Variants in SPTAN1 observed in about 807,000 individuals in gnomAD.
SPTAN1 encodes the protein spectrin alpha chain, non-erythrocytic 1.
Under a neutral mutation model 331.3 loss-of-function variants are expected in SPTAN1, and 61 were observed. The ratio of observed to expected loss-of-function variants is 0.18; its 90% CI spans 0.15 to 0.23. The LOEUF is 0.23. Among genes scored for constraint, SPTAN1 ranks in the 10% least tolerant of loss-of-function variants. SPTAN1 has a pLI of 1.00. For synonymous variants in SPTAN1, 1,153 were observed against 1,173.9 expected (o/e 0.98, Z 0.36); for missense variants, 2,043 against 3,147.9 (o/e 0.65, Z 8.40).
chr9:128,586,111 GGTTT>G, intron 19 of SPTAN1, 146 bp downstream of exon 19: 2 of 430,150 alleles, frequency 4.6e-6, no homozygotes, highest in Non-Finnish European at 8.1e-6. Context: ...TTTTTCACTT[GGTTT>G]TTTTTTTTTT....
chr9:128,609,085 T>C lies in SPTAN1; in HGVS notation c.4596-37T>C, dbSNP rs756619034. The C allele has an allele frequency of 9.9e-6, 16 of 1,614,204 alleles. No individual in the cohort carries two copies. In the South Asian group the frequency reaches 1.6e-4, roughly 17 times the overall value. Reference sequence around the variant, plus strand: ...CCCCACTTCCTTCTCCACGGTAAGATATGCTCATGTTGGATCTCATGGTTT... The same window carrying C: ...CCCCACTTCCTTCTCCACGGTAAGACATGCTCATGTTGGATCTCATGGTTT... On this transcript the variant is annotated intron_variant, in intron 35 of 56. Coordinates refer to ENST00000372739, the MANE Select transcript of SPTAN1 (RefSeq NM_001130438.3).
intron 40 of SPTAN1, among the ~76,000 whole-genome samples, chr9:128,614,683 T>A (rs996191042): frequency 6.6e-6 from 1 of 150,718 alleles, no homozygotes; most frequent in African/African-American, 2.4e-5. Flanking sequence ...AGGCGGGAGG[T>A]TCACTTGAGT....
chr9:128,612,317 G>A (rs1412849173), intron 39 of SPTAN1, 71 bp downstream of exon 39: 3 of 1,602,342 alleles, frequency 1.9e-6, no homozygotes, highest in Non-Finnish European at 2.6e-6. Flanking sequence ...GTCCATCAGT[G>A]CCCAAAACCA....
intron 3 of SPTAN1, 109 bp from the exon 4 acceptor site, chr9:128,574,566 T>G: frequency 7.8e-7 from 1 of 1,285,796 alleles, no homozygotes; most frequent in African/African-American, 1.5e-5. Flanking sequence ...TTTAAAAATA[T>G]TTTTATTCAG....
chr9:128,602,205 T>G (rs978594465), intron 27 of SPTAN1, among the ~76,000 whole-genome samples: 3 of 151,558 alleles, frequency 2.0e-5, no homozygotes, highest in East Asian at 1.9e-4. Context: ...TTTTTTGTTT[T>G]TTTTGGGTTT....
rs1430308610 is a variant in SPTAN1, at chr9:128,552,938, CG to C, written c.-4+248del. 5 of 152,406 alleles carry C rather than the reference CG, an allele frequency of 3.3e-5. No homozygotes were observed. In the South Asian group the frequency reaches 8.3e-4, roughly 25 times the overall value. 9.4% of individuals were successfully genotyped at this position (152,406 alleles called of 1,614,324 possible). A position where few individuals can be genotyped will look rare whatever the true frequency, so the allele number is the denominator to read the frequency against. On this transcript the variant is annotated intron_variant, in intron 1 of 56. Transcript: ENST00000372739. This position sits in a 1 kb window ranked among gnomAD's most constrained non-coding sequence, Gnocchi z 4.6. ...GGCGCCGCCGCTGGAATGTCACTGACGGGGGGAGGGGGCGCGAGGCCGCCGG... is the reference window on the plus strand; with the variant it reads ...GGCGCCGCCGCTGGAATGTCACTGACGGGGGAGGGGGCGCGAGGCCGCCGG...
chr9:128,611,566 A>G, intron 37 of SPTAN1, 148 bp from the exon 38 acceptor site: 1 of 879,414 alleles, frequency 1.1e-6, no homozygotes, highest in South Asian at 1.4e-5. Context: ...TATTTCATAC[A>G]AACTCCAATT....
intron 11 of SPTAN1, 25 bp from the exon 12 acceptor site, chr9:128,581,757 T>C: frequency 6.4e-7 from 1 of 1,568,652 alleles, no homozygotes; most frequent in Middle Eastern, 1.7e-4. Context: ...GACATTATTC[T>C]GAACACTTTG....
At chr9:128,609,750 G>T in intron 37 of SPTAN1, 85 bp downstream of exon 37, 3 of 906,220 alleles carry the variant, frequency 3.3e-6, no homozygotes, top group Non-Finnish European at 4.8e-6. Context: ...TATTATTGTG[G>T]TCACACGGTT....
intron 24 of SPTAN1, among the ~76,000 whole-genome samples, chr9:128,597,201 G>A (rs1854426844): frequency 1.3e-5 from 2 of 152,026 alleles, no homozygotes; most frequent in South Asian, 4.1e-4. Context: ...GTAGAGATAG[G>A]GGTCTGGTTA....
At chr9:128,562,543 G>A (rs1328812563) in intron 1 of SPTAN1, among the ~76,000 whole-genome samples, 7 of 152,134 alleles carry the variant, frequency 4.6e-5, no homozygotes, top group Non-Finnish European at 8.8e-5. Flanking sequence ...ATGAGATACG[G>A]CTGGAGGAGA....
intron 36 of SPTAN1, 56 bp downstream of exon 36, chr9:128,609,340 T>C (rs1217436913): frequency 9.3e-6 from 15 of 1,611,528 alleles, no homozygotes; most frequent in Non-Finnish European, 1.3e-5. Flanking sequence ...ATTGAGTAGA[T>C]TTTGTTAAAT....
chr9:128,561,662 C>CAAA (rs762156669), intron 1 of SPTAN1, among the ~76,000 whole-genome samples: 363 of 15,980 alleles, frequency 0.023, 109 homozygotes, highest in African/African-American at 0.051. Flanking sequence ...GACTCCGTCT[C>CAAA]AAAAAAAAAA....
rs1452590276 is a variant in SPTAN1 at position 128,612,191 on chromosome 9, A to G, written c.4988A>G (p.Asn1663Ser). 1.2e-6 allele frequency: 2 copies of G among 1,614,128 alleles called. No homozygotes were observed. Among genetic ancestry groups the G allele is most frequent in the Non-Finnish European group, 8.5e-7 (1 of 1,180,038 alleles). Residue 1663 changes from asparagine to serine, a missense_variant, in exon 39 of 57, where the codon AAC (asparagine) becomes AGC (serine). This residue lies in a region of SPTAN1 where 323 missense variants were observed against 581.1 expected (regional missense o/e 0.56). Coordinates refer to ENST00000372739, the MANE Select transcript of SPTAN1 (RefSeq NM_001130438.3). ...AEKSQKLKEA[N>S]KQQNFNTGIK... is the part of the protein sequence containing the mutation. Reference sequence around the variant, plus strand: ...AAGAGCCAGAAACTGAAAGAAGCCAACAAGCAGCAGAACTTCAACACAGGG... The same window carrying G: ...AAGAGCCAGAAACTGAAAGAAGCCAGCAAGCAGCAGAACTTCAACACAGGG...
At chr9:128,575,753 T>C (rs901733317) in intron 5 of SPTAN1, among the ~76,000 whole-genome samples, 1 of 152,140 alleles carries the variant, frequency 6.6e-6, no homozygotes, top group African/African-American at 2.4e-5. Context: ...TGGGCTCTCT[T>C]GGGAGCCTGG....
chr9:128,626,870 A>C, intron 49 of SPTAN1, 183 bp downstream of exon 49: 1 of 721,270 alleles, frequency 1.4e-6, no homozygotes. Flanking sequence ...GCTTCAGTGC[A>C]GTGGTGCTAC....
At chr9:128,626,937 CTT>C in intron 49 of SPTAN1, 1 of 620,794 alleles carries the variant, frequency 1.6e-6, no homozygotes. Flanking sequence ...GCCTGAGCCT[CTT>C]GAATAACTGG....
intron 56 of SPTAN1, 120 bp downstream of exon 56, chr9:128,633,075 A>AACTC (rs1564333022): frequency 1.4e-5 from 22 of 1,592,094 alleles, no homozygotes; most frequent in Admixed American, 3.4e-5. Context: ...TTACAAATCA[A>AACTC]ACTCAGTATG....
At chr9:128,606,507 A>G (rs1030254727) in intron 31 of SPTAN1, among the ~76,000 whole-genome samples, 2 of 132,868 alleles carry the variant, frequency 1.5e-5, no homozygotes, top group African/African-American at 6.3e-5. Context: ...TGGGGGGGGA[A>G]GCGTTTCGCT....
Sources: allele counts gnomAD v4.1 joint callset (sites outside exome capture counted in the v4.1 genomes callset), GRCh38; gene constraint gnomAD v4.1.1; regional missense constraint gnomAD v4.1.1; non-coding constraint Gnocchi (gnomAD v3.1); transcripts MANE v1.5; gene names NCBI Gene and HGNC (gene_info 2026-07-23, HGNC 2026-07-21).